Variants in NME8 observed in about 807,000 individuals in gnomAD.
NME8 encodes NME/NM23 family member 8.
Under a neutral mutation model 82.3 loss-of-function variants are expected in NME8, and 72 were observed. The observed-to-expected ratio is 0.87, with a 90% CI of 0.72 to 1.06. NME8 has a LOEUF of 1.06. NME8 is among the 50% of genes least tolerant of loss of function. The pLI is 0.00. For synonymous variants in NME8, 267 were observed against 228.5 expected, an observed-to-expected ratio of 1.17 and a Z score of -1.52; for missense variants, 712 against 685.4, an observed-to-expected ratio of 1.04 and a Z score of -0.43.
At chr7:37,855,665 T>C (rs79864825) in intron 5 of NME8, among the ~76,000 whole-genome samples, 6,205 of 152,296 alleles carry the variant, frequency 0.041, 158 homozygotes, top group Middle Eastern at 0.1. Flanking sequence ...ATGTTAATAT[T>C]TTTTAACCTT....
intron 11 of NME8, 144 bp downstream of exon 11, chr7:37,868,042 T>C: frequency 1.4e-6 from 1 of 738,990 alleles, no homozygotes; most frequent in South Asian, 1.5e-5. Flanking sequence ...ATACTGTATA[T>C]TCAGAAGAGC....
At position 37,888,447 on chromosome 7, in the gene NME8, A is replaced by T; in HGVS notation, c.1399+19A>T. The T allele has an allele frequency of 6.2e-7, 1 of 1,603,326 alleles. No individual in the cohort carries two copies. Among genetic ancestry groups the T allele is most frequent in the African/African-American group, 1.3e-5 (1 of 74,710 alleles). ...CAAAGAGGTAAATATTTAAGAATAAAAGTGAATGTATACATTTTCTCCAAA... is the reference window on the plus strand; with the variant it reads ...CAAAGAGGTAAATATTTAAGAATAATAGTGAATGTATACATTTTCTCCAAA... On this transcript the variant is annotated intron_variant, in intron 15 of 17. Coordinates refer to ENST00000199447, the MANE Select transcript of NME8 (RefSeq NM_016616.5).
intron 5 of NME8, among the ~76,000 whole-genome samples, chr7:37,853,927 T>C (rs1784473348): frequency 1.3e-5 from 2 of 150,652 alleles, no homozygotes; most frequent in South Asian, 4.2e-4. Flanking sequence ...GTTACTGTTA[T>C]ATTATTATTA....
At chr7:37,888,486 T>A (rs1003088301) in intron 15 of NME8, 58 bp downstream of exon 15, 6 of 1,522,116 alleles carry the variant, frequency 3.9e-6, no homozygotes, top group African/African-American at 1.4e-5. Flanking sequence ...TGTGAACATT[T>A]AAAAAATTTA....
intron 12 of NME8, among the ~76,000 whole-genome samples, chr7:37,882,283 T>C (rs1369499157): frequency 1.3e-5 from 2 of 151,896 alleles, no homozygotes; most frequent in African/African-American, 4.8e-5. Flanking sequence ...GCCCAGGAGA[T>C]CAAGACCAGC....
At chr7:37,882,571 GAA>G (rs1443761671) in intron 12 of NME8, among the ~76,000 whole-genome samples, 2 of 36,680 alleles carry the variant, frequency 5.5e-5, no homozygotes, top group South Asian at 2.5e-3. Flanking sequence ...AAGAAAGAAA[GAA>G]AGAAAGAAAG....
At chr7:37,871,098 G>C (rs188183070) in intron 11 of NME8, among the ~76,000 whole-genome samples, 3 of 152,330 alleles carry the variant, frequency 2.0e-5, no homozygotes, top group Non-Finnish European at 2.9e-5. Flanking sequence ...GGGTGAGACA[G>C]GAGAGAAGTT....
intron 12 of NME8, among the ~76,000 whole-genome samples, chr7:37,877,433 CT>C (rs1319231772): frequency 6.6e-6 from 1 of 152,136 alleles, no homozygotes; most frequent in Non-Finnish European, 1.5e-5. Context: ...AGAGTTAGTT[CT>C]TTTTAATCTC....
chr7:37,851,281 A>G (rs1397498488), intron 5 of NME8, among the ~76,000 whole-genome samples: 1 of 152,242 alleles, frequency 6.6e-6, no homozygotes, highest in Non-Finnish European at 1.5e-5. Flanking sequence ...ACTAGGCATA[A>G]GTGACTATGG....
chr7:37,850,284 A>G lies in NME8; in HGVS notation c.18A>G (p.Arg6=). 6.2e-7 allele frequency: 1 copy of G among 1,614,184 alleles called. No individual in the cohort carries two copies. The highest frequency in any genetic ancestry group is 8.5e-7 in the Non-Finnish European group (1 of 1,179,978). MASKK[R]EVQLQTVINN... is the part of the protein sequence containing the mutation. ...GTAGATAAATGGCAAGCAAAAAACG[A>G]GAAGTCCAGTTACAGGTGGGTCTGA... Residue 6 remains arginine (R), a synonymous_variant, in exon 3 of 18, where the codon CGA becomes CGG. Coordinates refer to ENST00000199447, the MANE Select transcript of NME8 (RefSeq NM_016616.5).
Position 37,884,415 on chromosome 7 carries a change from C to T in NME8, c.1107C>T (p.Asp369=). Residue 369 remains aspartate, a synonymous_variant, in exon 13 of 18, where the codon GAC becomes GAT. Coordinates refer to ENST00000199447, the MANE Select transcript of NME8 (RefSeq NM_016616.5). The stretch of plus-strand genomic sequence containing the variant: ...TGTGCAAGGAATATGAAAATGAAGA[C>T]TATTTTAATAAACTTATAGAAAACA... ...QALCKEYENE[D]YFNKLIENMT... The T allele has an allele frequency of 6.2e-7, 1 of 1,610,510 alleles. No individual in the cohort carries two copies. Among genetic ancestry groups the T allele is most frequent in the Non-Finnish European group, 8.5e-7 (1 of 1,176,866 alleles).
At chr7:37,898,009 T>C (rs1785256572) in intron 17 of NME8, among the ~76,000 whole-genome samples, 1 of 152,230 alleles carries the variant, frequency 6.6e-6, no homozygotes, top group South Asian at 2.1e-4. Context: ...CCTTTGGGTA[T>C]AAACCTAGTA....
rs201277639 is a variant in NME8, at chr7:37,867,822, C to A, written c.742C>A (p.Pro248Thr). Residue 248 changes from proline (P) to threonine (T), a missense_variant, in exon 11 of 18, where the codon CCT becomes ACT. By Grantham distance (38) the Pro-to-Thr change is conservative. Transcript: ENST00000199447. ...EETEPQTDTE[P>T]NERSEDQPEV... The stretch of plus-strand genomic sequence containing the variant: ...AACCGAACCACAGACTGACACCGAA[C>A]CTAACGAACGATCTGAGGATCAACC... 78 of 1,613,906 alleles carry A rather than the reference C, an allele frequency of 4.8e-5. No individual in the cohort carries two copies. The East Asian group carries it at 9.8e-4, about 20-fold the overall frequency.
intron 15 of NME8, among the ~76,000 whole-genome samples, chr7:37,891,287 A>G (rs1352662386): frequency 6.6e-6 from 1 of 151,506 alleles, no homozygotes; most frequent in Non-Finnish European, 1.5e-5. Flanking sequence ...ATATAATCCC[A>G]TTTGTCTGGT....
intron 5 of NME8, among the ~76,000 whole-genome samples, chr7:37,854,687 A>G (rs1784485623): frequency 6.6e-6 from 1 of 152,062 alleles, no homozygotes; most frequent in South Asian, 2.1e-4. Flanking sequence ...CTTCTCCCTC[A>G]TCGTCTGGCA....
intron 13 of NME8, 110 bp downstream of exon 13, chr7:37,884,557 G>A (rs1329269698): frequency 1.2e-5 from 11 of 921,300 alleles, no homozygotes; most frequent in Non-Finnish European, 1.9e-5. Flanking sequence ...CTGTAAACAT[G>A]TTCTGAGTTT....
chr7:37,854,616 T>A (rs1242685745), intron 5 of NME8, among the ~76,000 whole-genome samples: 4 of 152,200 alleles, frequency 2.6e-5, no homozygotes. Flanking sequence ...CTTGAATAAC[T>A]GGAATTCTTC....
chr7:37,888,093 A>G (rs933928296), intron 14 of NME8, among the ~76,000 whole-genome samples, 184 bp from the exon 15 acceptor site: 1 of 152,088 alleles, frequency 6.6e-6, no homozygotes, highest in African/African-American at 2.4e-5. Context: ...CTTTCTTCCT[A>G]ATGACCGTTA....
In NME8 at chr7:37,884,320, A is replaced by T. The variant is rs1583641571; in HGVS notation, c.1012A>T (p.Ile338Phe). 2 of 1,588,684 alleles carry T rather than the reference A, an allele frequency of 1.3e-6. No individual in the cohort carries two copies. Among genetic ancestry groups the T allele is most frequent in the Non-Finnish European group, 1.7e-6 (2 of 1,156,930 alleles). ...HERKDDVLRI[I>F]KDEDFKILEQ... ...TTATTTAGATGATGTTTTGCGTATT[A>T]TTAAAGATGAAGACTTCAAAATACT... Residue 338 changes from isoleucine to phenylalanine, a missense_variant, in exon 13 of 18, where the codon ATT becomes TTT. Ile to Phe is a conservative substitution (Grantham distance 21, BLOSUM62 0). Coordinates refer to ENST00000199447, the MANE Select transcript of NME8 (RefSeq NM_016616.5).
Sources: gnomAD v4.1 joint callset for allele counts (sites outside exome capture counted in the v4.1 genomes callset) on GRCh38, gnomAD v4.1.1 for gene constraint, MANE v1.5 for transcripts, NCBI Gene and HGNC (gene_info 2026-07-23, HGNC 2026-07-21) for gene names.